PLEKHG5: variants seen among roughly 807,000 people sequenced by gnomAD.
The protein encoded by PLEKHG5 is pleckstrin homology domain-containing family G member 5.
In PLEKHG5, 52 loss-of-function variants were observed where a neutral mutation model predicts 103.8. The observed-to-expected ratio is 0.50, with a 90% CI of 0.40 to 0.63. PLEKHG5 has a LOEUF of 0.63. PLEKHG5 is among the 30% of genes least tolerant of loss of function. PLEKHG5 has a pLI of 0.00. For synonymous variants in PLEKHG5, 592 were observed against 575.5 expected, an observed-to-expected ratio of 1.03 and a Z score of -0.41; for missense variants, 1,205 against 1,347.6, an observed-to-expected ratio of 0.89 and a Z score of 1.66.
Position 6,491,651 on chromosome 1 carries a change from T to G in PLEKHG5, c.-102A>C, listed in dbSNP as rs891670870. 1 of 985,296 alleles carries G rather than the reference T, an allele frequency of 1.0e-6. No individual in the cohort carries two copies. Among genetic ancestry groups the G allele is most frequent in the African/African-American group, 1.7e-5 (1 of 57,206 alleles). 61.0% of individuals were successfully genotyped at this position (985,296 alleles called of 1,614,324 possible). On this transcript the variant is annotated 5_prime_UTR_variant, in exon 1 of 21. Coordinates refer to ENST00000377728, the MANE Select transcript of PLEKHG5 (RefSeq NM_020631.6). The surrounding 1 kb of genome is among the most constrained non-coding windows in gnomAD (Gnocchi z 4.1). The stretch of plus-strand genomic sequence containing the variant: ...CCATTACTCACATCCTGCCCGTCCC[T>G]TCTCCATGGGGGCCTCAGGTCCACC...
chr1:6,485,252 C>A, intron 1 of PLEKHG5: 7 of 1,035,896 alleles, frequency 6.8e-6, no homozygotes, highest in Non-Finnish European at 8.8e-6. Context: ...CCTGGCCTCC[C>A]GCACAGGACT....
chr1:6,519,386 C>A (rs959000549), intron 1 of PLEKHG5: 35 of 1,348,336 alleles, frequency 2.6e-5, no homozygotes, highest in Non-Finnish European at 3.6e-5. Flanking sequence ...AAAGCCCCTC[C>A]TTTCACTCTG....
intron 1 of PLEKHG5, among the ~76,000 whole-genome samples, chr1:6,489,377 G>T (rs1013055446): frequency 1.3e-5 from 2 of 152,198 alleles, no homozygotes; most frequent in African/African-American, 4.8e-5. Context: ...CCTGACCTAA[G>T]GCCCTGCCCT....
At chr1:6,475,804 G>A (rs1182332194) in intron 3 of PLEKHG5, 127 bp downstream of exon 3, 13 of 874,784 alleles carry the variant, frequency 1.5e-5, no homozygotes, top group Middle Eastern at 2.2e-4. Flanking sequence ...AGCCACAGGC[G>A]TGGGAAGAGG....
chr1:6,477,502 C>T (rs769249599), intron 2 of PLEKHG5, 27 bp downstream of exon 2: 28 of 1,606,832 alleles, frequency 1.7e-5, no homozygotes, highest in East Asian at 1.6e-4. Context: ...CTCTGGGGGC[C>T]GAGCTGCGGC....
rs138018808 is a variant in PLEKHG5, at chr1:6,468,993, A to G, written c.2249+49T>C. The G allele has an allele frequency of 8.2e-4, 1,221 of 1,482,120 alleles. 9 individuals are homozygous for G. The African/African-American group carries it at 0.016, about 19-fold the overall frequency. 91.8% of individuals were successfully genotyped at this position (1,482,120 alleles called of 1,614,324 possible). A position where few individuals can be genotyped will look rare whatever the true frequency, so the allele number is the denominator to read the frequency against. On this transcript the variant is annotated intron_variant, in intron 19 of 20. Transcript: ENST00000377728. ...GCTGGGCCTTCAGGAGTCCTGGGCT[A>G]GAGTACTTGTCCTGGTTTGACCTGC...
rs770466036 is a variant in PLEKHG5 at position 6,467,836 on chromosome 1, C to T, written c.3000G>A (p.Thr1000=). Residue 1000 remains threonine, a synonymous_variant, in exon 20 of 21, where the codon ACG becomes ACA. Transcript: ENST00000377728. ...TCCAGGCCACTCACGAGGCAGTGAG[C>T]GTGGAGTTAAGCAGCAGGGTGGTCC... is the stretch of plus-strand genomic sequence containing the variant. The part of the protein sequence containing the change: ...RIRTTLLLNS[T]LTASEV The T allele has an allele frequency of 3.7e-6, 6 of 1,613,242 alleles. No homozygotes were observed. Among genetic ancestry groups the T allele is most frequent in the East Asian group, 2.2e-5 (1 of 44,872 alleles).
At chr1:6,507,640 G>C (rs938088781) in intron 1 of PLEKHG5, among the ~76,000 whole-genome samples, 14 of 152,202 alleles carry the variant, frequency 9.2e-5, no homozygotes, top group African/African-American at 3.4e-4. Context: ...GGATGGAGGG[G>C]TCACCCCAGG....
intron 14 of PLEKHG5, 43 bp from the exon 15 acceptor site, chr1:6,470,686 A>G: frequency 1.3e-6 from 2 of 1,554,138 alleles, no homozygotes; most frequent in Non-Finnish European, 1.7e-6. Context: ...GTCATGACGG[A>G]GCAGAGAGCC....
chr1:6,502,410 G>A (rs1383435352), intron 1 of PLEKHG5, among the ~76,000 whole-genome samples: 1 of 152,216 alleles, frequency 6.6e-6, no homozygotes, highest in Non-Finnish European at 1.5e-5. Flanking sequence ...CGTAGTCCCC[G>A]GGGACCGGAG....
At chr1:6,485,755 G>A (rs951085780) in intron 1 of PLEKHG5, 35 of 459,362 alleles carry the variant, frequency 7.6e-5, no homozygotes, top group Non-Finnish European at 9.1e-5. Context: ...CTGCCCGGCC[G>A]GGGGACCCCC....
chr1:6,509,261 T>C (rs994039812), intron 1 of PLEKHG5, among the ~76,000 whole-genome samples: 1 of 152,198 alleles, frequency 6.6e-6, no homozygotes, highest in Non-Finnish European at 1.5e-5. Context: ...TGGTTCCTTC[T>C]GTGCTCCAGT....
chr1:6,476,065 C>T, intron 2 of PLEKHG5, 29 bp from the exon 3 acceptor site: 2 of 1,582,308 alleles, frequency 1.3e-6, no homozygotes, highest in Non-Finnish European at 8.7e-7. Flanking sequence ...AGGGTTGTGC[C>T]TCCCCCGCCC....
In PLEKHG5 at chr1:6,505,845, C is replaced by G. The variant is rs886647651; in HGVS notation, c.-164-9276G>C. The stretch of plus-strand genomic sequence containing the variant: ...TGCCTGCCCTCTGGCCCCCAGGGTC[C>G]TCATTTCCGGGTCCTCTCCTGCACC... On this transcript the variant is annotated intron_variant, in intron 1 of 21. Coordinates refer to the PLEKHG5 transcript ENST00000377740. The surrounding 1 kb of genome is among the most constrained non-coding windows in gnomAD (Gnocchi z 4.2). Among the ~76,000 whole-genome samples, 3 of 152,236 alleles carry G rather than the reference C, an allele frequency of 2.0e-5. No individual in the cohort carries two copies.
At position 6,475,156 on chromosome 1, in the gene PLEKHG5, G is replaced by C. The variant is rs757927126; in HGVS notation, c.211-18C>G. The C allele has an allele frequency of 1.4e-6, 2 of 1,428,684 alleles. No individual in the cohort carries two copies. The highest frequency in any genetic ancestry group is 3.4e-5 in the Admixed American group (2 of 59,686). 88.5% of individuals were successfully genotyped at this position (1,428,684 alleles called of 1,614,324 possible). The stretch of plus-strand genomic sequence containing the variant: ...CTTGGGTCCTGGGAGGATGGTGGGG[G>C]TGGGGGCTGTGAGCTTCTCCTCACC... On this transcript the variant is annotated intron_variant, in intron 4 of 20. Transcript: ENST00000377728.
rs143047694 is a variant in PLEKHG5, at chr1:6,501,734, G to T, written c.-164-5165C>A. Among the ~76,000 whole-genome samples, 3 of 152,160 alleles carry T rather than the reference G, an allele frequency of 2.0e-5. No individual in the cohort carries two copies. The East Asian group carries it at 5.8e-4, about 29-fold the overall frequency. On this transcript the variant is annotated intron_variant, in intron 1 of 21. Coordinates refer to the PLEKHG5 transcript ENST00000377740. This position sits in a 1 kb window ranked among gnomAD's most constrained non-coding sequence, Gnocchi z 4.3. ...AGCCTCCAAGCCTGTGCTCCTAACC[G>T]CCAGGCTACAGTGCTCCCATGGGGC...
At chr1:6,497,668 C>G (rs1383725886), upstream of PLEKHG5, among the ~76,000 whole-genome samples, 1 of 152,026 alleles carries the variant, frequency 6.6e-6, no homozygotes, top group African/African-American at 2.4e-5. This position sits in a 1 kb window ranked among gnomAD's most constrained non-coding sequence, Gnocchi z 6.1. Flanking sequence ...GCGGAGGGTG[C>G]CTGTCCGCAG....
upstream of PLEKHG5, among the ~76,000 whole-genome samples, chr1:6,495,252 C>G (rs1356702000): frequency 6.6e-6 from 1 of 152,254 alleles, no homozygotes. Context: ...CAGGCACCAT[C>G]CGTGCCAGCA....
In PLEKHG5 at chr1:6,467,461, A is replaced by G. The variant is rs1644414402; in HGVS notation, c.*102T>C. On this transcript the variant is annotated 3_prime_UTR_variant, in exon 21 of 21. Coordinates refer to ENST00000377728, the MANE Select transcript of PLEKHG5 (RefSeq NM_020631.6). Reference sequence around the variant, plus strand: ...AGGGATCCTGCCCAGCATCCGGCTCATGCATACAGGAGGCAGTAGCTGAAG... The same window carrying G: ...AGGGATCCTGCCCAGCATCCGGCTCGTGCATACAGGAGGCAGTAGCTGAAG... 2 of 1,135,164 alleles carry G rather than the reference A, an allele frequency of 1.8e-6. No individual in the cohort carries two copies. Among genetic ancestry groups the G allele is most frequent in the East Asian group, 2.3e-5 (1 of 42,812 alleles). The allele number at this position is 1,135,164 out of a possible 1,614,324, so 70.3% of individuals were successfully genotyped here.
Sources: allele counts gnomAD v4.1 joint callset (sites outside exome capture counted in the v4.1 genomes callset), GRCh38; gene constraint gnomAD v4.1.1; non-coding constraint Gnocchi (gnomAD v3.1); transcripts MANE v1.5; gene names NCBI Gene and HGNC (gene_info 2026-07-23, HGNC 2026-07-21).